ADAMTS12: variants seen among roughly 807,000 people sequenced by gnomAD.
ADAMTS12 encodes the protein ADAM metallopeptidase with thrombospondin type 1 motif 12.
ADAMTS12 carries 118 observed loss-of-function variants against 167.8 expected under a neutral mutation model. That is an observed-to-expected ratio of 0.70 (90% CI 0.61 to 0.82). The LOEUF (loss-of-function observed/expected upper bound fraction) is 0.82. ADAMTS12 is among the 40% of genes least tolerant of loss of function. The probability of loss-of-function intolerance (pLI) is 0.00; values close to 1 mark genes in which losing one functional copy is unlikely to be tolerated. For synonymous variants in ADAMTS12, 704 were observed against 716.9 expected, an observed-to-expected ratio of 0.98 and a Z score of 0.29; for missense variants, 1,916 against 1,998.8, an observed-to-expected ratio of 0.96 and a Z score of 0.79.
chr5:33,570,668 T>C (rs894098251), intron 19 of ADAMTS12, among the ~76,000 whole-genome samples: 3 of 151,146 alleles, frequency 2.0e-5, no homozygotes, highest in South Asian at 2.1e-4. Flanking sequence ...ACCATCGAGA[T>C]TAGGAAGAAA....
chr5:33,732,758 C>T (rs1294817256), intron 3 of ADAMTS12, among the ~76,000 whole-genome samples: 1 of 150,958 alleles, frequency 6.6e-6, no homozygotes, highest in Non-Finnish European at 1.5e-5. Flanking sequence ...TTATAGGACT[C>T]TTAAGATAAT....
At chr5:33,825,454 T>C (rs1230648725) in intron 2 of ADAMTS12, among the ~76,000 whole-genome samples, 1 of 152,140 alleles carries the variant, frequency 6.6e-6, no homozygotes, top group Non-Finnish European at 1.5e-5. Context: ...CAAAGCTGGA[T>C]GAGTGTAAGT....
At chr5:33,649,758 A>T in intron 7 of ADAMTS12, 61 bp from the exon 8 acceptor site, 1 of 1,588,338 alleles carries the variant, frequency 6.3e-7, no homozygotes, top group Non-Finnish European at 8.6e-7. Flanking sequence ...AGGAAGAAAA[A>T]CCATAGTTTC....
At chr5:33,607,148 C>T (rs1229385688) in intron 16 of ADAMTS12, among the ~76,000 whole-genome samples, 1 of 151,972 alleles carries the variant, frequency 6.6e-6, no homozygotes, top group African/African-American at 2.4e-5. Flanking sequence ...TTATCAAAGT[C>T]AGCAGAAAGG....
intron 2 of ADAMTS12, among the ~76,000 whole-genome samples, chr5:33,817,784 G>A (rs958926108): frequency 5.3e-5 from 8 of 151,966 alleles, no homozygotes; most frequent in African/African-American, 1.9e-4. Flanking sequence ...TTATCAAATA[G>A]TCAGTCAGTA....
chr5:33,885,623 A>G (rs1750607619), intron 1 of ADAMTS12, among the ~76,000 whole-genome samples: 1 of 152,240 alleles, frequency 6.6e-6, no homozygotes, highest in African/African-American at 2.4e-5. Flanking sequence ...TAAGTAAGGC[A>G]TGCCAGTGCC....
At chr5:33,766,943 C>G (rs1243781439) in intron 2 of ADAMTS12, among the ~76,000 whole-genome samples, 2 of 152,142 alleles carry the variant, frequency 1.3e-5, no homozygotes, top group East Asian at 3.9e-4. Flanking sequence ...TCTGTAAAAT[C>G]TCTGAAAGAA....
intron 2 of ADAMTS12, among the ~76,000 whole-genome samples, chr5:33,871,643 G>C (rs928169068): frequency 2.6e-5 from 4 of 151,860 alleles, no homozygotes; most frequent in Non-Finnish European, 5.9e-5. Flanking sequence ...AATTAGAGCA[G>C]AACTCAATGC....
At chr5:33,796,125 C>G (rs147458706) in intron 2 of ADAMTS12, among the ~76,000 whole-genome samples, 5 of 152,316 alleles carry the variant, frequency 3.3e-5, no homozygotes, top group South Asian at 4.1e-4. Context: ...ATGGCACATA[C>G]GTACTGTGGA....
At chr5:33,632,597 GTGTAGC>G (rs1334944800) in intron 12 of ADAMTS12, among the ~76,000 whole-genome samples, 1 of 152,122 alleles carries the variant, frequency 6.6e-6, no homozygotes. Context: ...TGGGATTATT[GTGTAGC>G]TCCATTTCTG....
chr5:33,616,114 T>C (rs764266295), intron 14 of ADAMTS12, 42 bp from the exon 15 acceptor site: 2 of 1,605,084 alleles, frequency 1.2e-6, no homozygotes, highest in East Asian at 4.5e-5. Flanking sequence ...CACGCCAGCT[T>C]CTCAGCTGAA....
chr5:33,835,588 G>A (rs1748475739), intron 2 of ADAMTS12, among the ~76,000 whole-genome samples: 1 of 152,186 alleles, frequency 6.6e-6, no homozygotes, highest in African/African-American at 2.4e-5. Flanking sequence ...GTCCTCACAT[G>A]ATGGAAGAAC....
In ADAMTS12 at chr5:33,524,225, C is replaced by T. The variant is rs1011631278; in HGVS notation, c.*2963G>A. 3.3e-5 allele frequency: 5 copies of T among 152,166 alleles called. No homozygotes were observed. The highest frequency in any genetic ancestry group is 4.1e-4 in the South Asian group (2 of 4,828). The allele number at this position is 152,166 out of a possible 1,614,324, so 9.4% of individuals were successfully genotyped here. On this transcript the variant is annotated 3_prime_UTR_variant, in exon 24 of 24. Coordinates refer to ENST00000504830, the MANE Select transcript of ADAMTS12 (RefSeq NM_030955.4). ...CATTCCTACAAAGGAGGCACTGAAACGATTTCCTGATTGAAGAAAGTAATC... is the reference window on the plus strand; with the variant it reads ...CATTCCTACAAAGGAGGCACTGAAATGATTTCCTGATTGAAGAAAGTAATC...
intron 16 of ADAMTS12, among the ~76,000 whole-genome samples, chr5:33,611,113 A>G (rs376934891): frequency 1.1e-3 from 172 of 151,948 alleles, no homozygotes; most frequent in African/African-American, 4.0e-3. Flanking sequence ...ATGTTGAGGG[A>G]AAAAAAAGAC....
intron 19 of ADAMTS12, among the ~76,000 whole-genome samples, chr5:33,565,880 G>A (rs2111910120): frequency 6.6e-6 from 1 of 151,882 alleles, no homozygotes; most frequent in Non-Finnish European, 1.5e-5. Context: ...ATATAGTAAT[G>A]GCTCGTTAAA....
chr5:33,745,454 C>G (rs1158723334), intron 3 of ADAMTS12, among the ~76,000 whole-genome samples: 1 of 152,138 alleles, frequency 6.6e-6, no homozygotes, highest in Non-Finnish European at 1.5e-5. Context: ...TGATCCTTTG[C>G]TCATATTGTT....
At chr5:33,624,397 C>T in intron 13 of ADAMTS12, 46 bp from the exon 14 acceptor site, 1 of 1,611,582 alleles carries the variant, frequency 6.2e-7, no homozygotes. Context: ...CAGGGGATGC[C>T]ACTCTTGCCT....
At chr5:33,875,384 G>A (rs573852017) in intron 2 of ADAMTS12, among the ~76,000 whole-genome samples, 13 of 152,282 alleles carry the variant, frequency 8.5e-5, no homozygotes, top group South Asian at 8.3e-4. Flanking sequence ...GTACTACTCC[G>A]GTGGGGGATG....
intron 3 of ADAMTS12, among the ~76,000 whole-genome samples, chr5:33,717,578 C>T (rs956658481): frequency 8.5e-5 from 13 of 152,128 alleles, no homozygotes; most frequent in African/African-American, 3.1e-4. Context: ...TTCACCATGG[C>T]ACCATATGTC....
Sources: allele counts gnomAD v4.1 joint callset (sites outside exome capture counted in the v4.1 genomes callset), GRCh38; gene constraint gnomAD v4.1.1; transcripts MANE v1.5; gene names NCBI Gene and HGNC (gene_info 2026-07-23, HGNC 2026-07-21).